ADCYAP1R1: variants seen among roughly 807,000 people sequenced by gnomAD.
ADCYAP1R1 encodes the protein pituitary adenylate cyclase-activating polypeptide type I receptor.
Under a neutral mutation model 67.6 loss-of-function variants are expected in ADCYAP1R1, and 44 were observed. The observed-to-expected ratio is 0.65, with a 90% CI of 0.51 to 0.84. The LOEUF is 0.84. Among genes scored for constraint, ADCYAP1R1 ranks in the 40% least tolerant of loss-of-function variants. The pLI, the probability that ADCYAP1R1 is intolerant of heterozygous loss-of-function variation, is 0.00. For synonymous variants in ADCYAP1R1, 222 were observed against 219.6 expected, an observed-to-expected ratio of 1.01 and a Z score of -0.10; for missense variants, 477 against 587.9, an observed-to-expected ratio of 0.81 and a Z score of 1.95.
chr7:31,091,000 T>C (rs1435726983), intron 12 of ADCYAP1R1, among the ~76,000 whole-genome samples: 3 of 152,256 alleles, frequency 2.0e-5, no homozygotes, highest in African/African-American at 7.2e-5. Context: ...TCCAAACTAC[T>C]TTCCATGGTG....
In ADCYAP1R1 at chr7:31,111,310, T is replaced by C. The variant is rs553777915; in HGVS notation, c.*4626T>C. 6.6e-6 allele frequency: 1 copy of C among 152,348 alleles called. No individual in the cohort carries two copies. The highest frequency in any genetic ancestry group is 2.1e-4 in the South Asian group (1 of 4,828). 9.4% of individuals were successfully genotyped at this position (152,348 alleles called of 1,614,324 possible). ...TCAGACATGGTTCCTGCCTCACTTG[T>C]GGGAGCTGGACCAGCCTGGGTTTCA... On this transcript the variant is annotated 3_prime_UTR_variant, in exon 16 of 16. Coordinates refer to ENST00000304166, the MANE Select transcript of ADCYAP1R1 (RefSeq NM_001118.5).
At chr7:31,103,875 G>A (rs998227642) in intron 14 of ADCYAP1R1, among the ~76,000 whole-genome samples, 3 of 152,198 alleles carry the variant, frequency 2.0e-5, no homozygotes, top group African/African-American at 7.2e-5. Context: ...GGATGGACTG[G>A]AAATGAGTAA....
chr7:31,065,128 G>T (rs1301232769), intron 3 of ADCYAP1R1, among the ~76,000 whole-genome samples, 192 bp downstream of exon 3: 1 of 152,188 alleles, frequency 6.6e-6, no homozygotes, highest in Non-Finnish European at 1.5e-5. Context: ...GGCTGATGTG[G>T]TCTGGATGCC....
chr7:31,058,025 G>A (rs981725896), intron 1 of ADCYAP1R1, among the ~76,000 whole-genome samples: 146 of 152,334 alleles, frequency 9.6e-4, no homozygotes, highest in Non-Finnish European at 2.4e-4. Context: ...AGGTGGGGTA[G>A]GCTGTCCACA....
chr7:31,097,645 C>A (rs527686988), intron 13 of ADCYAP1R1, among the ~76,000 whole-genome samples: 1 of 150,590 alleles, frequency 6.6e-6, no homozygotes, highest in Non-Finnish European at 1.5e-5. Flanking sequence ...GGAATACTTT[C>A]AAAAAATCCT....
intron 2 of ADCYAP1R1, 118 bp downstream of exon 2, chr7:31,063,433 A>T (rs941076811): frequency 1.7e-6 from 2 of 1,163,266 alleles, no homozygotes; most frequent in African/African-American, 3.0e-5. Flanking sequence ...TATTTCTGCC[A>T]ACACCACCAC....
chr7:31,102,532 C>T lies in ADCYAP1R1; in HGVS notation c.1047-705C>T, dbSNP rs564388033. Among the ~76,000 whole-genome samples, 1 of 152,330 alleles carries T rather than the reference C, an allele frequency of 6.6e-6. No homozygotes were observed. Among genetic ancestry groups the T allele is most frequent in the Admixed American group, 6.5e-5 (1 of 15,304 alleles). On this transcript the variant is annotated intron_variant, in intron 13 of 15. Transcript: ENST00000304166. The surrounding 1 kb of genome is among the most constrained non-coding windows in gnomAD (Gnocchi z 4.3). ...CAGGGGAACTCCAGGAGAGCTGCCT[C>T]AGGAAGCACTGCAGTCCTCCGGCCC...
intron 13 of ADCYAP1R1, among the ~76,000 whole-genome samples, chr7:31,094,717 G>C (rs1796118152): frequency 6.6e-6 from 1 of 152,116 alleles, no homozygotes; most frequent in East Asian, 1.9e-4. Flanking sequence ...AAGGTTTCAG[G>C]TTCTCCACGG....
At chr7:31,080,512 G>A in intron 4 of ADCYAP1R1, 101 bp from the exon 5 acceptor site, 1 of 1,225,024 alleles carries the variant, frequency 8.2e-7, no homozygotes, top group Non-Finnish European at 1.2e-6. Context: ...TTGGGAAGGA[G>A]GAGGAAGTGA....
In ADCYAP1R1 at chr7:31,102,196, T is replaced by C. The variant is rs1334836275; in HGVS notation, c.1047-1041T>C. Among the ~76,000 whole-genome samples, 2 of 152,224 alleles carry C rather than the reference T, an allele frequency of 1.3e-5. No homozygotes were observed. Among genetic ancestry groups the C allele is most frequent in the African/African-American group, 2.4e-5 (1 of 41,462 alleles). ...CCAAATCAAACGACTGCCTCATGCC[T>C]GCTGTCCACCCCGGGGGACTTAGCT... On this transcript the variant is annotated intron_variant, in intron 13 of 15. Transcript: ENST00000304166. This position sits in a 1 kb window ranked among gnomAD's most constrained non-coding sequence, Gnocchi z 4.3.
intron 4 of ADCYAP1R1, among the ~76,000 whole-genome samples, chr7:31,079,061 G>C (rs1795403333): frequency 6.6e-6 from 1 of 152,222 alleles, no homozygotes; most frequent in African/African-American, 2.4e-5. Flanking sequence ...GATGTAGGGT[G>C]AGGGCAGGGG....
At chr7:31,064,966 T>C in intron 3 of ADCYAP1R1, 30 bp downstream of exon 3, 1 of 1,523,914 alleles carries the variant, frequency 6.6e-7, no homozygotes, top group South Asian at 1.2e-5. Flanking sequence ...GCATGCCACG[T>C]CCCCAGTGCC....
At chr7:31,058,879 C>T (rs923006043) in intron 1 of ADCYAP1R1, among the ~76,000 whole-genome samples, 1 of 152,126 alleles carries the variant, frequency 6.6e-6, no homozygotes, top group African/African-American at 2.4e-5. Context: ...CAGGGACTTG[C>T]TGTGTGATTT....
chr7:31,072,021 A>G (rs371626215), intron 3 of ADCYAP1R1, among the ~76,000 whole-genome samples: 61 of 26,504 alleles, frequency 2.3e-3, no homozygotes, highest in African/African-American at 9.6e-3. Context: ...CCACCCACCC[A>G]CCCATCAATC....
At position 31,106,361 on chromosome 7, in the gene ADCYAP1R1, G is replaced by A. The variant is rs1249521536; in HGVS notation, c.1219-135G>A. On this transcript the variant is annotated intron_variant, in intron 15 of 15. Transcript: ENST00000304166. Reference sequence around the variant, plus strand: ...GCCCCCACTGGAGACCTTGAGGGCCGCAGGCTGCAACTGGGGAGTGGGGAG... The same window carrying A: ...GCCCCCACTGGAGACCTTGAGGGCCACAGGCTGCAACTGGGGAGTGGGGAG... 8.2e-6 allele frequency: 9 copies of A among 1,096,996 alleles called. No individual in the cohort carries two copies. The East Asian group carries it at 1.2e-4, about 14-fold the overall frequency. The allele number at this position is 1,096,996 out of a possible 1,614,324, so 68.0% of individuals were successfully genotyped here.
chr7:31,067,484 G>A (rs976468923), intron 3 of ADCYAP1R1, among the ~76,000 whole-genome samples: 2 of 151,776 alleles, frequency 1.3e-5, no homozygotes, highest in African/African-American at 4.8e-5. Flanking sequence ...GCCAGGCTCT[G>A]TGCCAGCACT....
chr7:31,097,433 T>C (rs1472764300), intron 13 of ADCYAP1R1, among the ~76,000 whole-genome samples: 1 of 152,240 alleles, frequency 6.6e-6, no homozygotes, highest in Non-Finnish European at 1.5e-5. Context: ...TATTTGTTCT[T>C]TTTCTTTTCC....
chr7:31,086,820 A>G lies in ADCYAP1R1; in HGVS notation c.824-123A>G. Reference sequence around the variant, plus strand: ...GGAGGCCTGGGTGTGAGGGACAGTTAGAATTCCCAGGAATTCCAAGTCTCA... The same window carrying G: ...GGAGGCCTGGGTGTGAGGGACAGTTGGAATTCCCAGGAATTCCAAGTCTCA... On this transcript the variant is annotated intron_variant, in intron 10 of 15. Transcript: ENST00000304166. This position sits in a 1 kb window ranked among gnomAD's most constrained non-coding sequence, Gnocchi z 5.0. 1 of 1,106,622 alleles carries G rather than the reference A, an allele frequency of 9.0e-7. No individual in the cohort carries two copies. Among genetic ancestry groups the G allele is most frequent in the Non-Finnish European group, 1.4e-6 (1 of 729,718 alleles). 68.6% of individuals were successfully genotyped at this position (1,106,622 alleles called of 1,614,324 possible).
chr7:31,079,443 T>C (rs1795422596), intron 4 of ADCYAP1R1, among the ~76,000 whole-genome samples: 1 of 152,226 alleles, frequency 6.6e-6, no homozygotes, highest in African/African-American at 2.4e-5. Context: ...TGACCTGGCC[T>C]TAGCGTTCTT....
Sources: allele counts gnomAD v4.1 joint callset (sites outside exome capture counted in the v4.1 genomes callset), GRCh38; gene constraint gnomAD v4.1.1; non-coding constraint Gnocchi (gnomAD v3.1); transcripts MANE v1.5; gene names NCBI Gene and HGNC (gene_info 2026-07-23, HGNC 2026-07-21).